Variants in PRKAA1 observed in about 807,000 individuals in gnomAD.
The protein encoded by PRKAA1 is 5'-AMP-activated protein kinase catalytic subunit alpha-1.
In PRKAA1, 23 loss-of-function variants were observed where a neutral mutation model predicts 56.9. The observed-to-expected ratio is 0.40, with a 90% CI of 0.29 to 0.57. The LOEUF (loss-of-function observed/expected upper bound fraction) is 0.57, where lower values mean the gene tolerates loss of function less well. PRKAA1 is among the 20% of genes least tolerant of loss of function. The probability of loss-of-function intolerance (pLI) is 0.39; values close to 1 mark genes in which losing one functional copy is unlikely to be tolerated. For synonymous variants in PRKAA1, 226 were observed against 227.0 expected, an observed-to-expected ratio of 1.00 and a Z score of 0.04; for missense variants, 413 against 679.7, an observed-to-expected ratio of 0.61 and a Z score of 4.36.
intron 1 of PRKAA1, among the ~76,000 whole-genome samples, chr5:40,778,462 G>A (rs1435815771): frequency 1.3e-5 from 2 of 151,984 alleles, no homozygotes; most frequent in African/African-American, 4.8e-5. Flanking sequence ...AAGGAAGAGG[G>A]GAAGGAGACT....
At chr5:40,781,581 A>G (rs943240906) in intron 1 of PRKAA1, among the ~76,000 whole-genome samples, 2 of 152,180 alleles carry the variant, frequency 1.3e-5, no homozygotes, top group Non-Finnish European at 2.9e-5. Flanking sequence ...TTACAAAGGC[A>G]CTGGAAGATG....
intron 1 of PRKAA1, among the ~76,000 whole-genome samples, chr5:40,797,343 G>T (rs554254531): frequency 2.6e-5 from 4 of 152,320 alleles, no homozygotes; most frequent in African/African-American, 7.2e-5. Flanking sequence ...GGCAACATCT[G>T]AACTAACAAC....
At chr5:40,796,501 A>G (rs557981516) in intron 1 of PRKAA1, among the ~76,000 whole-genome samples, 2 of 152,336 alleles carry the variant, frequency 1.3e-5, no homozygotes, top group African/African-American at 4.8e-5. Flanking sequence ...AATTGCTAAC[A>G]AGAAATATCA....
intron 8 of PRKAA1, 64 bp from the exon 9 acceptor site, chr5:40,763,086 T>C (rs1743268092): frequency 6.4e-7 from 1 of 1,559,172 alleles, no homozygotes; most frequent in African/African-American, 1.4e-5. Flanking sequence ...TTTGTAACAG[T>C]ATTGAATTTG....
chr5:40,786,413 C>G (rs1411823704), intron 1 of PRKAA1, among the ~76,000 whole-genome samples: 1 of 152,016 alleles, frequency 6.6e-6, no homozygotes, highest in Non-Finnish European at 1.5e-5. Context: ...GTCATTGAGT[C>G]TGTGGCATTG....
chr5:40,794,633 G>C (rs946701627), intron 1 of PRKAA1, among the ~76,000 whole-genome samples: 6 of 126,302 alleles, frequency 4.8e-5, no homozygotes, highest in African/African-American at 1.6e-4. Flanking sequence ...TTAGGTTTAA[G>C]TCCTTAATCC....
At position 40,762,838 on chromosome 5, in the gene PRKAA1, T is replaced by C; in HGVS notation, c.1620A>G (p.Gly540=). ...TCTCAAAAAATTCTATTGTGTGACT[T>C]CCAGGTCTTGGAGTTAGGTCAACAG... The part of the protein sequence containing the change: ...SSPVDLTPRP[G]SHTIEFFEMC... Residue 540 remains glycine, a synonymous_variant, in exon 9 of 9, where the codon GGA becomes GGG. Coordinates refer to ENST00000397128, the MANE Select transcript of PRKAA1 (RefSeq NM_006251.6). The C allele has an allele frequency of 6.2e-7, 1 of 1,614,172 alleles. No individual in the cohort carries two copies. Among genetic ancestry groups the C allele is most frequent in the Admixed American group, 1.7e-5 (1 of 60,024 alleles).
intron 1 of PRKAA1, among the ~76,000 whole-genome samples, chr5:40,777,794 C>T (rs1047779607): frequency 6.6e-6 from 1 of 151,858 alleles, no homozygotes; most frequent in South Asian, 2.1e-4. Context: ...AATTAATGGC[C>T]GGGAGCGGTG....
chr5:40,784,799 T>C (rs774290714), intron 1 of PRKAA1, among the ~76,000 whole-genome samples: 5 of 152,170 alleles, frequency 3.3e-5, no homozygotes, highest in Non-Finnish European at 7.3e-5. Context: ...AAAGATGAAA[T>C]AACTTGCCCA....
In PRKAA1 at chr5:40,762,861, C is replaced by T; in HGVS notation, c.1597G>A (p.Val533Ile). 1 of 1,614,130 alleles carries T rather than the reference C, an allele frequency of 6.2e-7. No individual in the cohort carries two copies. Among genetic ancestry groups the T allele is most frequent in the Non-Finnish European group, 8.5e-7 (1 of 1,180,020 alleles). Residue 533 changes from valine (V) to isoleucine (I), a missense_variant, in exon 9 of 9, where the codon GTT becomes ATT. Transcript: ENST00000397128. Reference protein sequence around the residue: ...SSVTSLDSSPVDLTPRPGSHT... With the variant: ...SSVTSLDSSPIDLTPRPGSHT... The stretch of plus-strand genomic sequence containing the variant: ...CTTCCAGGTCTTGGAGTTAGGTCAA[C>T]AGGAGAAGAGTCAAGTGAGGTCACA...
At chr5:40,775,708 G>A (rs1220289822) in intron 2 of PRKAA1, among the ~76,000 whole-genome samples, 10 of 152,224 alleles carry the variant, frequency 6.6e-5, no homozygotes, top group African/African-American at 1.7e-4. Flanking sequence ...CTCAGGTGGT[G>A]GAACATGCTA....
At chr5:40,764,328 G>A in intron 8 of PRKAA1, 186 bp downstream of exon 8, 2 of 560,354 alleles carry the variant, frequency 3.6e-6, no homozygotes, top group Non-Finnish European at 6.0e-6. Context: ...AGGACAATAT[G>A]CTATAAGATT....
At position 40,777,427 on chromosome 5, in the gene PRKAA1, AAT is replaced by A. The variant is rs1561177604; in HGVS notation, c.269+16_269+17del. 1.3e-6 allele frequency: 2 copies of A among 1,507,328 alleles called. No individual in the cohort carries two copies. The highest frequency in any genetic ancestry group is 1.9e-5 in the Admixed American group (1 of 53,408). The allele number at this position is 1,507,328 out of a possible 1,614,324, so 93.4% of individuals were successfully genotyped here. On this transcript the variant is annotated intron_variant, in intron 2 of 8. Coordinates refer to ENST00000397128, the MANE Select transcript of PRKAA1 (RefSeq NM_006251.6). The stretch of plus-strand genomic sequence containing the variant: ...ATGAAAAGATGACTGGACTATATTT[AAT>A]ATAAACAGAGCTTACAGTTTAATTA...
chr5:40,791,512 T>G (rs993806692), intron 1 of PRKAA1, among the ~76,000 whole-genome samples: 2 of 152,194 alleles, frequency 1.3e-5, no homozygotes, highest in African/African-American at 4.8e-5. Flanking sequence ...CTCTTCTAAT[T>G]AGATATATAA....
At chr5:40,776,766 C>T (rs1291283747) in intron 2 of PRKAA1, among the ~76,000 whole-genome samples, 1 of 152,166 alleles carries the variant, frequency 6.6e-6, no homozygotes, top group Non-Finnish European at 1.5e-5. Context: ...TGGGGAAAAA[C>T]CCTTTCTACT....
chr5:40,785,876 A>AGG (rs1407651262), intron 1 of PRKAA1, among the ~76,000 whole-genome samples: 318 of 147,848 alleles, frequency 2.2e-3, no homozygotes, highest in African/African-American at 7.6e-3. Context: ...AGAGAGAGAG[A>AGG]GAGCAAGCGA....
intron 1 of PRKAA1, among the ~76,000 whole-genome samples, chr5:40,780,511 T>C (rs1561180419): frequency 6.6e-6 from 1 of 152,124 alleles, no homozygotes; most frequent in Admixed American, 6.6e-5. Flanking sequence ...GGGAATTGGC[T>C]CATGCGATTA....
chr5:40,781,941 AC>A (rs1208481610), intron 1 of PRKAA1, among the ~76,000 whole-genome samples: 1 of 152,220 alleles, frequency 6.6e-6, no homozygotes, highest in Non-Finnish European at 1.5e-5. Flanking sequence ...AGAGCAGCCA[AC>A]TTGACTGTTA....
intron 1 of PRKAA1, among the ~76,000 whole-genome samples, chr5:40,796,799 G>T (rs965535119): frequency 6.6e-5 from 10 of 152,130 alleles, no homozygotes; most frequent in African/African-American, 2.2e-4. Context: ...GAAGAGTAAG[G>T]CTCAGTTGAG....
Sources: allele counts gnomAD v4.1 joint callset (sites outside exome capture counted in the v4.1 genomes callset), GRCh38; gene constraint gnomAD v4.1.1; transcripts MANE v1.5; gene names NCBI Gene and HGNC (gene_info 2026-07-23, HGNC 2026-07-21).